The following ARHGAP12 variants were observed in gnomAD, a reference collection of about 807,000 sequenced individuals.
ARHGAP12 encodes rho GTPase-activating protein 12.
ARHGAP12 carries 64 observed loss-of-function variants against 108.6 expected under a neutral mutation model. That is an observed-to-expected ratio of 0.59 (90% CI 0.48 to 0.73). The LOEUF (loss-of-function observed/expected upper bound fraction) is 0.73. Among genes scored for constraint, ARHGAP12 ranks in the 30% least tolerant of loss-of-function variants. The pLI is 0.00. For missense variants in ARHGAP12, 940 were observed against 1,005.9 expected (o/e 0.93, Z 0.89); for synonymous variants, 312 against 337.2 (o/e 0.93, Z 0.82).
intron 3 of ARHGAP12, among the ~76,000 whole-genome samples, chr10:31,893,527 C>G (rs1592348132): frequency 6.6e-6 from 1 of 151,146 alleles, no homozygotes; most frequent in African/African-American, 2.4e-5. Context: ...ACTCATACAC[C>G]CTCCCAAGAC....
intron 9 of ARHGAP12, among the ~76,000 whole-genome samples, chr10:31,834,436 C>CA (rs1835939616): frequency 6.6e-6 from 1 of 152,154 alleles, no homozygotes; most frequent in Admixed American, 6.5e-5. Flanking sequence ...ATCTATGAAC[C>CA]AGGAAGGTGC....
intron 9 of ARHGAP12, among the ~76,000 whole-genome samples, chr10:31,835,844 G>A (rs915230501): frequency 6.6e-6 from 1 of 152,142 alleles, no homozygotes; most frequent in Admixed American, 6.5e-5. Context: ...AAGGGCAGGG[G>A]ACTGGGGAGG....
rs773859173 is a variant in ARHGAP12 at position 31,843,573 on chromosome 10, G to T, written c.1184C>A (p.Ser395Tyr). 6.2e-6 allele frequency: 10 copies of T among 1,604,824 alleles called. No homozygotes were observed. Among genetic ancestry groups the T allele is most frequent in the Non-Finnish European group, 7.6e-6 (9 of 1,177,534 alleles). The change falls in exon 7 of 20, where the codon TCC becomes TAC. Residue 395 changes from serine (S) to tyrosine (Y), a missense_variant. Coordinates refer to ENST00000344936, the MANE Select transcript of ARHGAP12 (RefSeq NM_018287.7). ...EWELPKYNASSQQQREIIKSR... is the reference protein window; with the variant it reads ...EWELPKYNASYQQQREIIKSR... Reference sequence around the variant, plus strand: ...TTTAATTATTTCTCTTTGCTGCTGGGATGAAGCATTATACTAAAACAAAAC... The same window carrying T: ...TTTAATTATTTCTCTTTGCTGCTGGTATGAAGCATTATACTAAAACAAAAC...
At chr10:31,814,921 C>T (rs977705483) in intron 13 of ARHGAP12, among the ~76,000 whole-genome samples, 1 of 151,854 alleles carries the variant, frequency 6.6e-6, no homozygotes, top group Non-Finnish European at 1.5e-5. Context: ...AGATTGAGAC[C>T]AGCCTGGCCA....
chr10:31,822,476 T>C (rs930375419), intron 11 of ARHGAP12, among the ~76,000 whole-genome samples: 3 of 152,210 alleles, frequency 2.0e-5, no homozygotes, highest in Non-Finnish European at 4.4e-5. Flanking sequence ...CAATTCTATA[T>C]GCAGACATAC....
Position 31,814,342 on chromosome 10 carries a change from C to T in ARHGAP12, c.1751G>A (p.Gly584Glu). 1.9e-6 allele frequency: 3 copies of T among 1,613,666 alleles called. No individual in the cohort carries two copies. Among genetic ancestry groups the T allele is most frequent in the Non-Finnish European group, 1.7e-6 (2 of 1,179,664 alleles). Reference sequence around the variant, plus strand: ...TGAATCCGGTATCTCCTCTTCAATTCCTTCATCAGTTTCTACTGCCTATTG... The same window carrying T: ...TGAATCCGGTATCTCCTCTTCAATTTCTTCATCAGTTTCTACTGCCTATTG... ...INNQAVETDEGIEEEIPDSPG... is the reference protein window; with the variant it reads ...INNQAVETDEEIEEEIPDSPG... Residue 584 changes from glycine (G) to glutamate (E), a missense_variant, in exon 14 of 20, where the codon GGA becomes GAA. Coordinates refer to ENST00000344936, the MANE Select transcript of ARHGAP12 (RefSeq NM_018287.7).
At chr10:31,844,362 A>T (rs1342821211) in intron 6 of ARHGAP12, among the ~76,000 whole-genome samples, 3 of 152,144 alleles carry the variant, frequency 2.0e-5, no homozygotes, top group African/African-American at 7.2e-5. Context: ...TATGTCTTTA[A>T]TCTAACTGAA....
intron 16 of ARHGAP12, chr10:31,809,620 T>C (rs1834941705): frequency 4.7e-6 from 1 of 212,168 alleles, no homozygotes; most frequent in Admixed American, 5.4e-5. Flanking sequence ...CATCTGGGGA[T>C]AATTCAAAAT....
At chr10:31,883,962 A>G (rs1838091197) in intron 3 of ARHGAP12, among the ~76,000 whole-genome samples, 1 of 151,858 alleles carries the variant, frequency 6.6e-6, no homozygotes. Context: ...TAATCCACCC[A>G]CGTCAGCTTC....
chr10:31,823,616 A>AAGTG (rs1215128605), intron 11 of ARHGAP12, among the ~76,000 whole-genome samples: 1 of 152,132 alleles, frequency 6.6e-6, no homozygotes, highest in African/African-American at 2.4e-5. Flanking sequence ...CTATTTCCTC[A>AAGTG]AGTGGATCTC....
At chr10:31,825,940 C>T (rs1482700650) in intron 11 of ARHGAP12, among the ~76,000 whole-genome samples, 1 of 152,130 alleles carries the variant, frequency 6.6e-6, no homozygotes, top group Non-Finnish European at 1.5e-5. Flanking sequence ...CAGCTTGCCA[C>T]ATTACTGCTT....
rs564007756 is a variant in ARHGAP12 at position 31,883,672 on chromosome 10, T to C, written c.685-22014A>G. Among the ~76,000 whole-genome samples, 3 of 152,280 alleles carry C rather than the reference T, an allele frequency of 2.0e-5. No homozygotes were observed. In the South Asian group the frequency reaches 6.2e-4, roughly 32 times the overall value. On this transcript the variant is annotated intron_variant, in intron 3 of 19. Coordinates refer to ENST00000344936, the MANE Select transcript of ARHGAP12 (RefSeq NM_018287.7). ...CACAACTTGAAACTGAGTATTTTCATACTGTGCTTTCCTTTCAGGAATGTG... is the reference window on the plus strand; with the variant it reads ...CACAACTTGAAACTGAGTATTTTCACACTGTGCTTTCCTTTCAGGAATGTG...
At chr10:31,916,687 G>A (rs150250099) in intron 1 of ARHGAP12, among the ~76,000 whole-genome samples, 4,933 of 152,240 alleles carry the variant, frequency 0.032, 105 homozygotes, top group Non-Finnish European at 0.052. Context: ...CGCCATCTTG[G>A]CTCACTGCAA....
chr10:31,873,773 T>C (rs1837623518), intron 3 of ARHGAP12, among the ~76,000 whole-genome samples: 1 of 152,268 alleles, frequency 6.6e-6, no homozygotes, highest in African/African-American at 2.4e-5. Flanking sequence ...TGATAGCTGC[T>C]AGAAACTTAT....
chr10:31,810,448 C>T (rs998543), intron 16 of ARHGAP12, among the ~76,000 whole-genome samples: 7,687 of 152,182 alleles, frequency 0.051, 648 homozygotes, highest in African/African-American at 0.17. Context: ...AAACATTCAG[C>T]AGATGCCTGG....
chr10:31,885,243 G>A (rs1175078209), intron 3 of ARHGAP12, among the ~76,000 whole-genome samples: 3 of 152,036 alleles, frequency 2.0e-5, no homozygotes, highest in African/African-American at 7.2e-5. Flanking sequence ...GTTTTTAAAA[G>A]GTATAACTAC....
rs968413258 is a variant in ARHGAP12, at chr10:31,805,801, A to C, written c.*1857T>G. On this transcript the variant is annotated 3_prime_UTR_variant, in exon 20 of 20. Coordinates refer to ENST00000344936, the MANE Select transcript of ARHGAP12 (RefSeq NM_018287.7). The stretch of plus-strand genomic sequence containing the variant: ...TTGTTTTCCTGGTATACAATCACTA[A>C]ATAAGCAAGATCTAAAGCATATTGT... The C allele has an allele frequency of 6.6e-6, 1 of 152,164 alleles. No individual in the cohort carries two copies. The highest frequency in any genetic ancestry group is 2.4e-5 in the African/African-American group (1 of 41,448). The allele number at this position is 152,164 out of a possible 1,614,324, so 9.4% of individuals were successfully genotyped here. A position where few individuals can be genotyped will look rare whatever the true frequency, so the allele number is the denominator to read the frequency against.
intron 1 of ARHGAP12, among the ~76,000 whole-genome samples, chr10:31,924,649 T>C (rs146596559): frequency 4.1e-4 from 63 of 152,316 alleles, no homozygotes; most frequent in African/African-American, 1.3e-3. Context: ...ATATATATTA[T>C]GTAGCAAAAT....
At chr10:31,881,976 T>G (rs866732916) in intron 3 of ARHGAP12, among the ~76,000 whole-genome samples, 9 of 150,416 alleles carry the variant, frequency 6.0e-5, no homozygotes, top group African/African-American at 1.7e-4. Flanking sequence ...GTGCAGTGGC[T>G]GGATCTCGGC....
Sources: gnomAD v4.1 joint callset for allele counts (sites outside exome capture counted in the v4.1 genomes callset) on GRCh38, gnomAD v4.1.1 for gene constraint, MANE v1.5 for transcripts, NCBI Gene and HGNC (gene_info 2026-07-23, HGNC 2026-07-21) for gene names.